KIF13A: variants seen among roughly 807,000 people sequenced by gnomAD.
KIF13A encodes the protein kinesin-like protein KIF13A.
KIF13A carries 79 observed loss-of-function variants against 212.2 expected under a neutral mutation model. The observed-to-expected ratio is 0.37, with a 90% CI of 0.31 to 0.45. The LOEUF (loss-of-function observed/expected upper bound fraction) is 0.45. Ranked by LOEUF, KIF13A falls within the 20% of genes least tolerant of loss-of-function variation. The probability of loss-of-function intolerance (pLI) is 1.00; values close to 1 mark genes in which losing one functional copy is unlikely to be tolerated. For missense variants in KIF13A, 1,901 were observed against 2,209.0 expected (o/e 0.86, Z 2.79); for synonymous variants, 789 against 808.6 (o/e 0.98, Z 0.41).
chr6:17,869,753 C>T (rs1036417253), intron 4 of KIF13A, among the ~76,000 whole-genome samples: 1 of 152,230 alleles, frequency 6.6e-6, no homozygotes, highest in South Asian at 2.1e-4. Context: ...TGACACACCA[C>T]ACAAAACTTA....
At chr6:17,761,280 A>C (rs1157322858), downstream of KIF13A, among the ~76,000 whole-genome samples, 3 of 152,178 alleles carry the variant, frequency 2.0e-5, no homozygotes, top group Non-Finnish European at 4.4e-5. Context: ...GAGTCTCGTT[A>C]TGTTGCCCAC....
intron 2 of KIF13A, among the ~76,000 whole-genome samples, chr6:17,970,526 T>C (rs1176010407): frequency 6.6e-6 from 1 of 152,196 alleles, no homozygotes; most frequent in East Asian, 1.9e-4. Context: ...TTCAGATCGC[T>C]TACATGCTTC....
Position 17,987,087 on chromosome 6 carries a change from T to G in KIF13A, c.113A>C (p.His38Pro). The change falls in exon 2 of 39, where the codon CAC becomes CCC. Residue 38 changes from histidine to proline, a missense_variant. His to Pro is a moderately conservative substitution (Grantham distance 77). Coordinates refer to ENST00000259711, the MANE Select transcript of KIF13A (RefSeq NM_022113.6). This position sits in a 1 kb window ranked among gnomAD's most constrained non-coding sequence, Gnocchi z 7.7. ...CTGTTTGGTGTTAGAAGGAGGAGGG[T>G]GCAGGACCGTTTGATTCCCTTCCAT... Reference protein sequence around the residue: ...VEMEGNQTVLHPPPSNTKQGE... With the variant: ...VEMEGNQTVLPPPPSNTKQGE... 1 of 1,613,718 alleles carries G rather than the reference T, an allele frequency of 6.2e-7. No individual in the cohort carries two copies. Among genetic ancestry groups the G allele is most frequent in the Non-Finnish European group, 8.5e-7 (1 of 1,179,692 alleles).
chr6:17,939,823 C>T (rs889667694), intron 2 of KIF13A, among the ~76,000 whole-genome samples: 1 of 151,948 alleles, frequency 6.6e-6, no homozygotes, highest in Admixed American at 6.5e-5. Context: ...GAGGCGGAGG[C>T]GGGTGGATGA....
intron 38 of KIF13A, among the ~76,000 whole-genome samples, chr6:17,767,773 G>A (rs917752862): frequency 6.6e-5 from 10 of 152,068 alleles, no homozygotes; most frequent in Non-Finnish European, 5.9e-5. Context: ...ATTTCTTCTC[G>A]AGACCAAGGA....
chr6:17,923,256 G>A (rs1424001040), intron 2 of KIF13A, among the ~76,000 whole-genome samples: 1 of 149,190 alleles, frequency 6.7e-6, no homozygotes, highest in Non-Finnish European at 1.5e-5. Flanking sequence ...CCTAGGCGAT[G>A]GGATTGAAAC....
intron 2 of KIF13A, among the ~76,000 whole-genome samples, chr6:17,975,003 T>C (rs977428700): frequency 6.6e-6 from 1 of 152,164 alleles, no homozygotes; most frequent in Non-Finnish European, 1.5e-5. Context: ...TCTCAAAGCT[T>C]GGTCCCAAGC....
chr6:17,898,627 CATAAT>C lies in KIF13A; in HGVS notation c.147-452_147-448del, dbSNP rs1772789126. Among the ~76,000 whole-genome samples, 1 of 152,032 alleles carries C rather than the reference CATAAT, an allele frequency of 6.6e-6. No individual in the cohort carries two copies. The highest frequency in any genetic ancestry group is 2.1e-4 in the South Asian group (1 of 4,822). Reference sequence around the variant, plus strand: ...CCTTTGATAAATACATATACTCTAACATAATATATGTGGGAGTTTTTCTCATTTAA... The same window carrying C: ...CCTTTGATAAATACATATACTCTAACATATGTGGGAGTTTTTCTCATTTAA... On this transcript the variant is annotated intron_variant, in intron 2 of 38. Transcript: ENST00000259711. The surrounding 1 kb of genome is among the most constrained non-coding windows in gnomAD (Gnocchi z 5.2).
chr6:17,830,461 T>C (rs1315173119), intron 13 of KIF13A, among the ~76,000 whole-genome samples: 1 of 85,916 alleles, frequency 1.2e-5, no homozygotes, highest in African/African-American at 3.6e-5. Context: ...CCTTGATACT[T>C]TTTTTAAGAG....
intron 4 of KIF13A, among the ~76,000 whole-genome samples, chr6:17,870,078 C>A (rs181787484): frequency 6.6e-6 from 1 of 152,158 alleles, no homozygotes; most frequent in South Asian, 2.1e-4. Context: ...AACGTATTTA[C>A]TAGGCAGATT....
Position 17,872,687 on chromosome 6 carries a change from A to C in KIF13A, c.220+690T>G, listed in dbSNP as rs1412962068. ...GAGACAGAGTCTCACTCGGTCACCT[A>C]GGCTGTGGTGGGACCTCGGCTCACT... On this transcript the variant is annotated intron_variant, in intron 4 of 38. Coordinates refer to ENST00000259711, the MANE Select transcript of KIF13A (RefSeq NM_022113.6). The surrounding 1 kb of genome is among the most constrained non-coding windows in gnomAD (Gnocchi z 4.7). Among the ~76,000 whole-genome samples, 3 of 152,262 alleles carry C rather than the reference A, an allele frequency of 2.0e-5. No individual in the cohort carries two copies. In the East Asian group the frequency reaches 5.8e-4, roughly 29 times the overall value.
chr6:17,813,934 G>A (rs908338398), intron 17 of KIF13A, among the ~76,000 whole-genome samples: 4 of 147,208 alleles, frequency 2.7e-5, no homozygotes, highest in African/African-American at 1.0e-4. Flanking sequence ...ATGGTCTATA[G>A]ATGTAAGGTG....
In KIF13A at chr6:17,768,542, T is replaced by C. The variant is rs1347045890; in HGVS notation, c.4581+2572A>G. Among the ~76,000 whole-genome samples, 2 of 152,218 alleles carry C rather than the reference T, an allele frequency of 1.3e-5. No homozygotes were observed. Among genetic ancestry groups the C allele is most frequent in the Non-Finnish European group, 2.9e-5 (2 of 68,032 alleles). On this transcript the variant is annotated intron_variant, in intron 38 of 38. Transcript: ENST00000259711. The surrounding 1 kb of genome is among the most constrained non-coding windows in gnomAD (Gnocchi z 5.4). The stretch of plus-strand genomic sequence containing the variant: ...GCTCCAGTACTTCTGTCCATGGTAC[T>C]GAGGAGTGAGCCCTTTATCTGAAGA...
Position 17,786,122 on chromosome 6 carries a change from G to A in KIF13A, c.3362-481C>T, listed in dbSNP as rs1489951083. Among the ~76,000 whole-genome samples, 1 of 152,190 alleles carries A rather than the reference G, an allele frequency of 6.6e-6. No homozygotes were observed. Among genetic ancestry groups the A allele is most frequent in the Non-Finnish European group, 1.5e-5 (1 of 68,040 alleles). On this transcript the variant is annotated intron_variant, in intron 27 of 38. Coordinates refer to ENST00000259711, the MANE Select transcript of KIF13A (RefSeq NM_022113.6). This position sits in a 1 kb window ranked among gnomAD's most constrained non-coding sequence, Gnocchi z 5.4. ...AAGAGCATTGGAACAGCAATTATGA[G>A]ACTGAGGTTATTTTACTGGTTCTGT...
chr6:17,968,302 A>T lies in KIF13A; in HGVS notation c.146+18752T>A, dbSNP rs1374805577. The stretch of plus-strand genomic sequence containing the variant: ...TTCACAGGCAATGGACTCCAGGTGG[A>T]GCTGGAGGAAGAGGCCCTGGCAATC... On this transcript the variant is annotated intron_variant, in intron 2 of 38. Coordinates refer to ENST00000259711, the MANE Select transcript of KIF13A (RefSeq NM_022113.6). This position sits in a 1 kb window ranked among gnomAD's most constrained non-coding sequence, Gnocchi z 4.7. 1.3e-5 allele frequency among the ~76,000 whole-genome samples: 2 copies of T among 152,156 alleles called. No homozygotes were observed. Among genetic ancestry groups the T allele is most frequent in the Non-Finnish European group, 2.9e-5 (2 of 68,030 alleles).
chr6:17,783,599 A>G lies in KIF13A; in HGVS notation c.3544+47T>C, dbSNP rs760400925. ...TAATGTGAATCTGGATAGATTACAA[A>G]CCTTAGTTAAATACAATAATCCCTG... On this transcript the variant is annotated intron_variant, in intron 29 of 38. Coordinates refer to ENST00000259711, the MANE Select transcript of KIF13A (RefSeq NM_022113.6). The surrounding 1 kb of genome is among the most constrained non-coding windows in gnomAD (Gnocchi z 4.3). 2.5e-6 allele frequency: 3 copies of G among 1,202,426 alleles called. No homozygotes were observed. The highest frequency in any genetic ancestry group is 2.4e-6 in the Non-Finnish European group (2 of 827,966). 74.5% of individuals were successfully genotyped at this position (1,202,426 alleles called of 1,614,324 possible).
intron 2 of KIF13A, among the ~76,000 whole-genome samples, chr6:17,940,819 T>TTA (rs1322069869): frequency 6.3e-3 from 70 of 11,068 alleles, no homozygotes; most frequent in African/African-American, 0.014. Context: ...GTAAATTTAT[T>TTA]TTTTTTTTTT....
At chr6:17,847,643 C>T (rs1767210524) in intron 9 of KIF13A, among the ~76,000 whole-genome samples, 1 of 152,138 alleles carries the variant, frequency 6.6e-6, no homozygotes, top group Admixed American at 6.5e-5. Context: ...TACAAGTACA[C>T]ACTAAACTAC....
intron 20 of KIF13A, among the ~76,000 whole-genome samples, chr6:17,800,390 G>T (rs1271800070): frequency 6.6e-6 from 1 of 151,272 alleles, no homozygotes; most frequent in Non-Finnish European, 1.5e-5. Flanking sequence ...CCCAGGAATA[G>T]CTTAAAGGTA....
Sources: allele counts gnomAD v4.1 joint callset (sites outside exome capture counted in the v4.1 genomes callset), GRCh38; gene constraint gnomAD v4.1.1; non-coding constraint Gnocchi (gnomAD v3.1); transcripts MANE v1.5; gene names NCBI Gene and HGNC (gene_info 2026-07-23, HGNC 2026-07-21).